SGK3: variants seen among roughly 807,000 people sequenced by gnomAD.
The protein encoded by SGK3 is serum/glucocorticoid regulated kinase family member 3, also known as serine/threonine-protein kinase Sgk3.
A neutral mutation model predicts 68.5 loss-of-function variants in SGK3; 47 were observed. That is an observed-to-expected ratio of 0.69 (90% CI 0.54 to 0.87). The LOEUF is 0.87. Among genes scored for constraint, SGK3 ranks in the 40% least tolerant of loss-of-function variants. The probability of loss-of-function intolerance (pLI) is 0.00; values close to 1 mark genes in which losing one functional copy is unlikely to be tolerated. For missense variants in SGK3, 479 were observed against 575.5 expected (o/e 0.83, Z 1.72); for synonymous variants, 181 against 189.1 (o/e 0.96, Z 0.35).
chr8:66,792,748 C>T (rs1807519244), intron 1 of SGK3, among the ~76,000 whole-genome samples: 2 of 152,096 alleles, frequency 1.3e-5, no homozygotes, highest in South Asian at 4.1e-4. Context: ...TTGTTTGAGC[C>T]AGGTGTGATG....
intron 1 of SGK3, among the ~76,000 whole-genome samples, chr8:66,729,223 G>A (rs1319392450): frequency 2.0e-5 from 3 of 149,416 alleles, no homozygotes; most frequent in African/African-American, 5.0e-5. Flanking sequence ...TTGGGAGGCC[G>A]AGGCAGGCGG....
Position 66,757,466 on chromosome 8 carries a change from C to G in SGK3, c.-121-36150C>G, listed in dbSNP as rs192674415. Among the ~76,000 whole-genome samples the G allele has an allele frequency of 3.3e-3, 501 of 151,986 alleles. 5 individuals are homozygous for G. The highest frequency in any genetic ancestry group is 0.012 in the African/African-American group (484 of 41,476). On this transcript the variant is annotated intron_variant, in intron 1 of 16. Coordinates refer to ENST00000521198, the MANE Select transcript of SGK3 (RefSeq NM_001033578.3). ...CAGTCCCCATTTGTCTTTCCTCTTT[C>G]AATGGTTGTATGGGCCAGTGTTTCT... is the stretch of plus-strand genomic sequence containing the variant.
At chr8:66,776,688 T>C (rs371135293) in intron 1 of SGK3, among the ~76,000 whole-genome samples, 47 of 152,364 alleles carry the variant, frequency 3.1e-4, no homozygotes, top group African/African-American at 1.1e-3. Context: ...TCTTTATCTT[T>C]GACAGTTTTA....
intron 5 of SGK3, among the ~76,000 whole-genome samples, chr8:66,816,459 C>CTGAAT (rs1808588698): frequency 6.6e-6 from 1 of 150,550 alleles, no homozygotes; most frequent in Non-Finnish European, 1.5e-5. Context: ...GATTCTCCTA[C>CTGAAT]CTCAGCCTCC....
At chr8:66,755,326 C>G (rs1354853754) in intron 1 of SGK3, among the ~76,000 whole-genome samples, 2 of 151,582 alleles carry the variant, frequency 1.3e-5, no homozygotes, top group Non-Finnish European at 2.9e-5. Context: ...GCCTGTGATG[C>G]TGTGTTTTGA....
At chr8:66,724,528 A>G (rs185533946) in intron 1 of SGK3, among the ~76,000 whole-genome samples, 1 of 152,318 alleles carries the variant, frequency 6.6e-6, no homozygotes, top group East Asian at 1.9e-4. Flanking sequence ...GTGAGCTGAG[A>G]TCGCACCACT....
chr8:66,778,974 T>C (rs775773235), intron 1 of SGK3, among the ~76,000 whole-genome samples: 5 of 152,236 alleles, frequency 3.3e-5, no homozygotes, highest in Non-Finnish European at 4.4e-5. Flanking sequence ...GAATACTGTT[T>C]CTTTGCTTTG....
intron 1 of SGK3, among the ~76,000 whole-genome samples, chr8:66,786,138 T>C (rs1270362470): frequency 6.6e-6 from 1 of 152,232 alleles, no homozygotes. Context: ...TTTTATAGAA[T>C]AAATATGTAC....
At chr8:66,828,769 C>A (rs1373063340) in intron 7 of SGK3, 66 bp downstream of exon 7, 1 of 1,563,930 alleles carries the variant, frequency 6.4e-7, no homozygotes. Context: ...TGAGCGTATG[C>A]AGATATGTAT....
At chr8:66,760,790 A>G (rs1221671159) in intron 1 of SGK3, among the ~76,000 whole-genome samples, 1 of 152,216 alleles carries the variant, frequency 6.6e-6, no homozygotes, top group Non-Finnish European at 1.5e-5. Context: ...TCTTCTAATC[A>G]TAAGATTTTG....
intron 1 of SGK3, among the ~76,000 whole-genome samples, chr8:66,717,674 T>C (rs78747111): frequency 0.027 from 4,163 of 152,210 alleles, 180 homozygotes; most frequent in African/African-American, 0.094. Context: ...GAAGGAACTT[T>C]ACTATTCTAG....
intron 1 of SGK3, among the ~76,000 whole-genome samples, chr8:66,716,923 C>T (rs1264467088): frequency 3.3e-5 from 5 of 151,890 alleles, no homozygotes; most frequent in Admixed American, 6.6e-5. Context: ...AGGCCAGGCA[C>T]GGTGGCTCAC....
chr8:66,758,011 TACACAC>T (rs374764386), intron 1 of SGK3, among the ~76,000 whole-genome samples: 16 of 133,662 alleles, frequency 1.2e-4, no homozygotes, highest in East Asian at 4.3e-4. Flanking sequence ...ACACACACAC[TACACAC>T]ACACACACAC....
intron 1 of SGK3, among the ~76,000 whole-genome samples, chr8:66,756,674 G>A (rs547444708): frequency 1.4e-5 from 2 of 148,126 alleles, no homozygotes; most frequent in South Asian, 4.2e-4. Context: ...CAATCTCCTG[G>A]GCTCAAGTGA....
chr8:66,792,137 C>T (rs1402276186), intron 1 of SGK3, among the ~76,000 whole-genome samples: 3 of 152,054 alleles, frequency 2.0e-5, no homozygotes, highest in Non-Finnish European at 2.9e-5. Context: ...TGAGACCAGC[C>T]TGACCAACAT....
At chr8:66,756,465 G>C (rs532620044) in intron 1 of SGK3, among the ~76,000 whole-genome samples, 28 of 152,006 alleles carry the variant, frequency 1.8e-4, no homozygotes, top group African/African-American at 6.7e-4. Context: ...ACAGGAATAA[G>C]GGGAGGAAAA....
chr8:66,794,139 A>G (rs1807578239), intron 2 of SGK3, among the ~76,000 whole-genome samples: 1 of 152,244 alleles, frequency 6.6e-6, no homozygotes, highest in South Asian at 2.1e-4. Flanking sequence ...TTTTGTGTGC[A>G]CTGTCAGGAA....
intron 1 of SGK3, among the ~76,000 whole-genome samples, chr8:66,780,192 G>A (rs966683949): frequency 3.3e-5 from 5 of 152,180 alleles, no homozygotes; most frequent in Admixed American, 3.3e-4. Flanking sequence ...TGAAGAGGCA[G>A]AAATTGATGA....
chr8:66,828,748 A>G, intron 7 of SGK3, 45 bp downstream of exon 7: 1 of 1,607,372 alleles, frequency 6.2e-7, no homozygotes, highest in Non-Finnish European at 8.5e-7. Context: ...GAATTTTAGG[A>G]AGATCTTTTT....
Sources: gnomAD v4.1 joint callset for allele counts (sites outside exome capture counted in the v4.1 genomes callset) on GRCh38, gnomAD v4.1.1 for gene constraint, MANE v1.5 for transcripts, NCBI Gene and HGNC (gene_info 2026-07-23, HGNC 2026-07-21) for gene names.